AIFM2: variants seen among roughly 807,000 people sequenced by gnomAD.
The protein encoded by AIFM2 is AIF family member 2, ferroptosis suppressor.
AIFM2 carries 38 observed loss-of-function variants against 35.7 expected under a neutral mutation model. The ratio of observed to expected loss-of-function variants is 1.06; its 90% CI spans 0.82 to 1.39. AIFM2 has a LOEUF of 1.39. AIFM2 is among the 40% of genes most tolerant of loss of function. The pLI, the probability that AIFM2 is intolerant of heterozygous loss-of-function variation, is 0.00. For synonymous variants in AIFM2, 185 were observed against 203.5 expected (o/e 0.91, Z 0.77); for missense variants, 476 against 491.2 (o/e 0.97, Z 0.29).
intron 5 of AIFM2, among the ~76,000 whole-genome samples, chr10:70,118,564 G>T (rs899998343): frequency 6.6e-6 from 1 of 152,100 alleles, no homozygotes; most frequent in Non-Finnish European, 1.5e-5. Flanking sequence ...CTTAATAAAG[G>T]GTGGCTGCTA....
At chr10:70,119,211 C>T (rs1216043295) in intron 5 of AIFM2, among the ~76,000 whole-genome samples, 1 of 152,198 alleles carries the variant, frequency 6.6e-6, no homozygotes, top group African/African-American at 2.4e-5. Flanking sequence ...CATTTTTATC[C>T]TTTAAAACAT....
chr10:70,123,586 T>A, intron 2 of AIFM2, 66 bp from the exon 3 acceptor site: 1 of 1,415,238 alleles, frequency 7.1e-7, no homozygotes, highest in Non-Finnish European at 9.9e-7. Flanking sequence ...CCAGAGTGAC[T>A]CAGAACCTTT....
chr10:70,118,475 A>G (rs1250960948), intron 5 of AIFM2: 3 of 152,382 alleles, frequency 2.0e-5, no homozygotes, highest in Non-Finnish European at 4.4e-5. Flanking sequence ...ACATGGGCAC[A>G]ATAGCCCCAC....
In AIFM2 at chr10:70,117,926, G is replaced by A. The variant is rs1311138270; in HGVS notation, c.508-6C>T. 1 of 1,601,272 alleles carries A rather than the reference G, an allele frequency of 6.2e-7. No individual in the cohort carries two copies. Among genetic ancestry groups the A allele is most frequent in the Non-Finnish European group, 8.5e-7 (1 of 1,172,366 alleles). On this transcript the variant is annotated splice_polypyrimidine_tract_variant and splice_region_variant and intron_variant, in intron 5 of 8. Coordinates refer to ENST00000307864, the MANE Select transcript of AIFM2 (RefSeq NM_032797.6). This position sits in a 1 kb window ranked among gnomAD's most constrained non-coding sequence, Gnocchi z 4.7. ...TGGGAGTGAATGAGAGTGACCTGAGGACAAAACGACCACAGGGCCTGAGAA... is the reference window on the plus strand; with the variant it reads ...TGGGAGTGAATGAGAGTGACCTGAGAACAAAACGACCACAGGGCCTGAGAA...
chr10:70,121,857 C>G (rs2072511529), intron 3 of AIFM2, among the ~76,000 whole-genome samples: 5 of 150,700 alleles, frequency 3.3e-5, no homozygotes, highest in Admixed American at 2.6e-4. Context: ...TTTGGGAGAC[C>G]AAGGCGGGCG....
intron 5 of AIFM2, among the ~76,000 whole-genome samples, chr10:70,119,513 GA>G (rs1210792059): frequency 1.3e-5 from 2 of 152,122 alleles, no homozygotes; most frequent in African/African-American, 4.8e-5. Context: ...GTCAGTGGGG[GA>G]AAAACCCACA....
chr10:70,123,543 G>A (rs773445806), intron 2 of AIFM2, 23 bp from the exon 3 acceptor site: 4 of 1,604,610 alleles, frequency 2.5e-6, no homozygotes, highest in East Asian at 4.5e-5. Context: ...CACAGAAGAG[G>A]TCATAGGGCA....
At chr10:70,120,979 C>T (rs1459913064) in intron 4 of AIFM2, 113 bp downstream of exon 4, 28 of 1,492,964 alleles carry the variant, frequency 1.9e-5, no homozygotes, top group Non-Finnish European at 2.4e-5. Context: ...AACTCTATGG[C>T]TACAGCCAGC....
At position 70,114,319 on chromosome 10, in the gene AIFM2, C is replaced by A. The variant is rs201625501; in HGVS notation, c.981G>T (p.Thr327=). The stretch of plus-strand genomic sequence containing the variant: ...CATTTCTCCCCATGGACAGGAGGAA[C>A]GTCAGTGCACCTGCAAGCAGAGACA... The part of the protein sequence containing the change: ...PLQAYKPGAL[T]FLLSMGRNDG... Residue 327 remains threonine, a synonymous_variant, in exon 9 of 9, where the codon ACG becomes ACT. Transcript: ENST00000307864. The A allele has an allele frequency of 6.2e-7, 1 of 1,613,936 alleles. No homozygotes were observed. The highest frequency in any genetic ancestry group is 1.3e-5 in the African/African-American group (1 of 74,988).
intron 1 of AIFM2, among the ~76,000 whole-genome samples, chr10:70,127,499 G>A (rs2072581801): frequency 1.3e-5 from 2 of 152,328 alleles, no homozygotes; most frequent in South Asian, 4.1e-4. Context: ...GCAGAAGGTG[G>A]AGAGGCTTAG....
At chr10:70,115,235 C>T in intron 7 of AIFM2, 115 bp from the exon 8 acceptor site, 2 of 1,135,590 alleles carry the variant, frequency 1.8e-6, no homozygotes, top group Non-Finnish European at 2.5e-6. Context: ...TCAGGTCACC[C>T]TCCTGAGGCA....
At chr10:70,120,745 C>T (rs1199243396) in intron 4 of AIFM2, 146 bp from the exon 5 acceptor site, 4 of 870,286 alleles carry the variant, frequency 4.6e-6, no homozygotes, top group African/African-American at 1.7e-5. Flanking sequence ...CGTGCTTCCT[C>T]CCACCCACCT....
At chr10:70,123,873 C>G (rs375261340) in intron 2 of AIFM2, 34 bp downstream of exon 2, 8 of 1,500,552 alleles carry the variant, frequency 5.3e-6, no homozygotes, top group Non-Finnish European at 7.1e-6. Flanking sequence ...CAAGACCCCC[C>G]TCACAGAGAC....
At position 70,123,303 on chromosome 10, in the gene AIFM2, G is replaced by A; in HGVS notation, c.294+102C>T. ...CACAGTGCTGAGATTACAGGTGTGA[G>A]CCACCGCCCCCAGCCTAGCTCTCTC... On this transcript the variant is annotated intron_variant, in intron 3 of 8. Transcript: ENST00000307864. The A allele has an allele frequency of 3.0e-6, 3 of 1,012,302 alleles. No homozygotes were observed. The South Asian group carries it at 4.6e-5, about 15-fold the overall frequency. The allele number at this position is 1,012,302 out of a possible 1,614,324, so 62.7% of individuals were successfully genotyped here.
At chr10:70,121,349 C>T (rs1424439224) in intron 3 of AIFM2, 138 bp from the exon 4 acceptor site, 11 of 1,336,430 alleles carry the variant, frequency 8.2e-6, no homozygotes, top group Non-Finnish European at 1.1e-5. Context: ...CCTCTAGGCA[C>T]CCGAGGCAGC....
intron 5 of AIFM2, 102 bp from the exon 6 acceptor site, chr10:70,118,022 T>G (rs952581261): frequency 1.3e-5 from 10 of 794,962 alleles, no homozygotes; most frequent in East Asian, 8.2e-5. Flanking sequence ...AGGTTACAGA[T>G]GAGGAAACTG....
Position 70,114,962 on chromosome 10 carries a change from C to A in AIFM2, c.928G>T (p.Val310Phe). 6.2e-7 allele frequency: 1 copy of A among 1,614,166 alleles called. No individual in the cohort carries two copies. Among genetic ancestry groups the A allele is most frequent in the Non-Finnish European group, 8.5e-7 (1 of 1,180,026 alleles). Residue 310 changes from valine to phenylalanine, a missense_variant, in exon 8 of 9, where the codon GTC becomes TTC. Coordinates refer to ENST00000307864, the MANE Select transcript of AIFM2 (RefSeq NM_032797.6). ...LHANIAVANI[V>F]NSVKQRPLQA... is the part of the protein sequence containing the mutation. ...AGAGGCCGCTGCTTCACAGAGTTGA[C>A]GATGTTGGCCACGGCGATGTTGGCG...
Position 70,114,115 on chromosome 10 carries a change from T to C in AIFM2, c.*63A>G. On this transcript the variant is annotated 3_prime_UTR_variant, in exon 9 of 9. Transcript: ENST00000307864. ...TTAGTTCTAGCACTTGCCAGGCGGG[T>C]GCCATGCGCCAAGCAGTCCGTACGC... is the stretch of plus-strand genomic sequence containing the variant. 6.5e-7 allele frequency: 1 copy of C among 1,542,744 alleles called. No individual in the cohort carries two copies. The highest frequency in any genetic ancestry group is 8.7e-7 in the Non-Finnish European group (1 of 1,148,054).
rs926616187 is a variant in AIFM2 at position 70,112,906 on chromosome 10, C to T, written c.*1272G>A. On this transcript the variant is annotated 3_prime_UTR_variant, in exon 9 of 9. Transcript: ENST00000307864. ...CCAGGAAACCAGAAGCACAAAACCA[C>T]AAAGTCCCTCAAGGGCCCTCTCCCC... The T allele has an allele frequency of 1.3e-5, 2 of 152,270 alleles. No individual in the cohort carries two copies. The highest frequency in any genetic ancestry group is 2.9e-5 in the Non-Finnish European group (2 of 68,056). The allele number at this position is 152,270 out of a possible 1,614,324, so 9.4% of individuals were successfully genotyped here. A position where few individuals can be genotyped will look rare whatever the true frequency, so the allele number is the denominator to read the frequency against.
Sources: allele counts gnomAD v4.1 joint callset (sites outside exome capture counted in the v4.1 genomes callset), GRCh38; gene constraint gnomAD v4.1.1; non-coding constraint Gnocchi (gnomAD v3.1); transcripts MANE v1.5; gene names NCBI Gene and HGNC (gene_info 2026-07-23, HGNC 2026-07-21).